Variants in NIBAN2 observed in about 807,000 individuals in gnomAD.
NIBAN2 encodes niban apoptosis regulator 2.
Under a neutral mutation model 81.8 loss-of-function variants are expected in NIBAN2, and 36 were observed. The observed-to-expected ratio is 0.44, with a 90% CI of 0.34 to 0.58. NIBAN2 has a LOEUF of 0.58. Ranked by LOEUF, NIBAN2 falls within the 20% of genes least tolerant of loss-of-function variation. NIBAN2 has a pLI of 0.02. For synonymous variants in NIBAN2, 445 were observed against 441.6 expected (o/e 1.01, Z -0.10); for missense variants, 897 against 1,014.1 (o/e 0.88, Z 1.57).
chr9:127,577,710 T>TTTTG (rs376947080), intron 1 of NIBAN2, among the ~76,000 whole-genome samples: 19 of 151,856 alleles, frequency 1.3e-4, no homozygotes, highest in African/African-American at 1.9e-4. Flanking sequence ...TGCTATATCT[T>TTTTG]TTTGTTTGTT....
chr9:127,521,438 C>T (rs1390128628), intron 5 of NIBAN2, among the ~76,000 whole-genome samples: 7 of 152,140 alleles, frequency 4.6e-5, no homozygotes, highest in Non-Finnish European at 8.8e-5. Flanking sequence ...ACTGAGGACC[C>T]GGCACAGCCA....
intron 2 of NIBAN2, among the ~76,000 whole-genome samples, chr9:127,529,050 TTTCAAA>T (rs1309351177): frequency 1.3e-5 from 2 of 152,224 alleles, no homozygotes; most frequent in African/African-American, 4.8e-5. Flanking sequence ...TTTTTAAGAC[TTTCAAA>T]TGGCAGAGTC....
Position 127,525,105 on chromosome 9 carries a change from A to G in NIBAN2, c.374T>C (p.Leu125Pro). The G allele has an allele frequency of 1.9e-6, 3 of 1,614,210 alleles. No homozygotes were observed. Among genetic ancestry groups the G allele is most frequent in the Non-Finnish European group, 2.5e-6 (3 of 1,180,028 alleles). The change falls in exon 4 of 14, where the codon CTC becomes CCC. Residue 125 changes from leucine to proline, a missense_variant. Leu to Pro is a moderately conservative substitution (Grantham distance 98, BLOSUM62 -3). This residue lies in a region of NIBAN2 where 209 missense variants were observed against 208.4 expected (regional missense o/e 1.00). Coordinates refer to ENST00000373312, the MANE Select transcript of NIBAN2 (RefSeq NM_022833.4). ...CTCCAGGTATTGGTCCACGGACGTG[A>G]GGATTTTGTAGCCTGCACTGTTGAT... ...AVINSAGYKI[L>P]TSVDQYLELI...
intron 1 of NIBAN2, among the ~76,000 whole-genome samples, chr9:127,557,126 G>A (rs1393681877): frequency 1.3e-5 from 2 of 152,160 alleles, no homozygotes; most frequent in Non-Finnish European, 2.9e-5. Flanking sequence ...AGGTACACAC[G>A]GGTGGCCAAG....
Position 127,545,317 on chromosome 9 carries a change from C to G in NIBAN2, c.56-13539G>C, listed in dbSNP as rs1378470442. On this transcript the variant is annotated intron_variant, in intron 1 of 13. Coordinates refer to ENST00000373312, the MANE Select transcript of NIBAN2 (RefSeq NM_022833.4). This position sits in a 1 kb window ranked among gnomAD's most constrained non-coding sequence, Gnocchi z 4.7. ...CTCCCACAGCCCCTGGCCTGCTCCC[C>G]GGCACTCCCCTCAACCACAGTTAAT... 5.9e-5 allele frequency among the ~76,000 whole-genome samples: 9 copies of G among 152,184 alleles called. No individual in the cohort carries two copies. Among genetic ancestry groups the G allele is most frequent in the African/African-American group, 9.7e-5 (4 of 41,432 alleles).
intron 1 of NIBAN2, among the ~76,000 whole-genome samples, chr9:127,555,724 A>C (rs1837655651): frequency 6.6e-6 from 1 of 152,236 alleles, no homozygotes; most frequent in South Asian, 2.1e-4. Context: ...ACAGGAGAGC[A>C]AACCACAGGC....
upstream of NIBAN2, among the ~76,000 whole-genome samples, chr9:127,572,252 G>A (rs545215977): frequency 1.3e-5 from 2 of 152,196 alleles, no homozygotes; most frequent in Non-Finnish European, 2.9e-5. Flanking sequence ...GAGCTCAAGG[G>A]ATCCTCCCGC....
At chr9:127,552,329 T>A (rs1247685816) in intron 1 of NIBAN2, among the ~76,000 whole-genome samples, 1 of 152,144 alleles carries the variant, frequency 6.6e-6, no homozygotes. Flanking sequence ...TCGCAGCACT[T>A]TGGGAGGCTG....
chr9:127,531,834 G>A (rs942514729), intron 1 of NIBAN2, 56 bp from the exon 2 acceptor site: 48 of 1,606,504 alleles, frequency 3.0e-5, no homozygotes, highest in East Asian at 1.6e-4. Flanking sequence ...GATGCATCAC[G>A]ATCCTTCCCC....
At chr9:127,524,817 T>C (rs969085866) in intron 4 of NIBAN2, 2 of 423,714 alleles carry the variant, frequency 4.7e-6, no homozygotes, top group South Asian at 3.6e-5. Flanking sequence ...GAGTAACTCC[T>C]GACGAACACA....
Position 127,559,836 on chromosome 9 carries a change from CA to C in NIBAN2, c.55+8983del, listed in dbSNP as rs1837739464. Among the ~76,000 whole-genome samples, 1 of 152,162 alleles carries C rather than the reference CA, an allele frequency of 6.6e-6. No homozygotes were observed. Among genetic ancestry groups the C allele is most frequent in the South Asian group, 2.1e-4 (1 of 4,824 alleles). On this transcript the variant is annotated intron_variant, in intron 1 of 13. Coordinates refer to ENST00000373312, the MANE Select transcript of NIBAN2 (RefSeq NM_022833.4). The surrounding 1 kb of genome is among the most constrained non-coding windows in gnomAD (Gnocchi z 4.0). ...CTGCAAGAGGAGGGCCTCCCTTGGC[CA>C]ATGTCCTATGTGAACCACATAGAAC...
chr9:127,562,830 C>A (rs780003607), intron 1 of NIBAN2, among the ~76,000 whole-genome samples: 1 of 152,104 alleles, frequency 6.6e-6, no homozygotes, highest in Non-Finnish European at 1.5e-5. Context: ...GGAAAGTGAC[C>A]CTCTGTCCTC....
chr9:127,556,439 T>C (rs1320713702), intron 1 of NIBAN2, among the ~76,000 whole-genome samples: 3 of 150,742 alleles, frequency 2.0e-5, no homozygotes, highest in Non-Finnish European at 4.4e-5. Flanking sequence ...GCTCCCAGGA[T>C]GTAGGACCTT....
In NIBAN2 at chr9:127,525,135, G is replaced by A; in HGVS notation, c.344C>T (p.Ala115Val). Residue 115 changes from alanine to valine, a missense_variant, in exon 4 of 14, where the codon GCC becomes GTC. Ala to Val is a moderately conservative substitution (Grantham distance 64, BLOSUM62 0). This residue lies in a region of NIBAN2 where 209 missense variants were observed against 208.4 expected (regional missense o/e 1.00). Coordinates refer to ENST00000373312, the MANE Select transcript of NIBAN2 (RefSeq NM_022833.4). ...TTTGTAGCCTGCACTGTTGATGACG[G>A]CTCGTGGTGGGACCTGCCGCTCATA... ...AAYERQVPPR[A>V]VINSAGYKIL... is the part of the protein sequence containing the mutation. 2 of 1,614,070 alleles carry A rather than the reference G, an allele frequency of 1.2e-6. No homozygotes were observed. Among genetic ancestry groups the A allele is most frequent in the Non-Finnish European group, 1.7e-6 (2 of 1,179,992 alleles).
At chr9:127,524,335 G>A (rs1289796270) in intron 4 of NIBAN2, among the ~76,000 whole-genome samples, 1 of 152,176 alleles carries the variant, frequency 6.6e-6, no homozygotes, top group Non-Finnish European at 1.5e-5. Context: ...AAGATCCAGC[G>A]AGATAACTGG....
At chr9:127,533,556 C>T (rs1483903088) in intron 1 of NIBAN2, among the ~76,000 whole-genome samples, 1 of 152,148 alleles carries the variant, frequency 6.6e-6, no homozygotes, top group Non-Finnish European at 1.5e-5. Flanking sequence ...TCACTTAAGC[C>T]CAGGGAGGTC....
intron 8 of NIBAN2, among the ~76,000 whole-genome samples, chr9:127,512,084 G>A (rs965251641): frequency 3.3e-5 from 5 of 152,098 alleles, no homozygotes; most frequent in Admixed American, 1.3e-4. Context: ...CCCACCTCCC[G>A]TTCTATTCAA....
chr9:127,568,503 C>T (rs1837897130), intron 1 of NIBAN2, among the ~76,000 whole-genome samples: 1 of 150,868 alleles, frequency 6.6e-6, no homozygotes, highest in Non-Finnish European at 1.5e-5. Context: ...GGGCAGCAGG[C>T]TGCGACCCCT....
chr9:127,526,003 T>A (rs139305624), intron 3 of NIBAN2, among the ~76,000 whole-genome samples: 1 of 152,200 alleles, frequency 6.6e-6, no homozygotes, highest in Non-Finnish European at 1.5e-5. Context: ...CCACTAGGTG[T>A]CACTATACAA....
Sources: gnomAD v4.1 joint callset for allele counts (sites outside exome capture counted in the v4.1 genomes callset) on GRCh38, gnomAD v4.1.1 for gene constraint, gnomAD v4.1.1 regional missense constraint, Gnocchi (gnomAD v3.1) non-coding constraint, MANE v1.5 for transcripts, NCBI Gene and HGNC (gene_info 2026-07-23, HGNC 2026-07-21) for gene names.